Variants in ARL13B observed in about 807,000 individuals in gnomAD.
ARL13B encodes the protein ADP-ribosylation factor-like protein 13B.
ARL13B carries 36 observed loss-of-function variants against 56.1 expected under a neutral mutation model. The ratio of observed to expected loss-of-function variants is 0.64; its 90% CI spans 0.49 to 0.85. The LOEUF is 0.85. ARL13B is among the 40% of genes least tolerant of loss of function. The probability of loss-of-function intolerance (pLI) is 0.00; values close to 1 mark genes in which losing one functional copy is unlikely to be tolerated. For synonymous variants in ARL13B, 178 were observed against 171.1 expected (o/e 1.04, Z -0.32); for missense variants, 519 against 507.1 (o/e 1.02, Z -0.23).
At chr3:94,044,693 C>T (rs1183293607) in intron 7 of ARL13B, among the ~76,000 whole-genome samples, 1 of 140,486 alleles carries the variant, frequency 7.1e-6, no homozygotes, top group Admixed American at 7.1e-5. Context: ...GGCTGCCCAT[C>T]GTCTGGGAAG....
Position 94,049,041 on chromosome 3 carries a change from C to T in ARL13B, c.1025-365C>T, listed in dbSNP as rs529492795. On this transcript the variant is annotated intron_variant, in intron 7 of 9. Coordinates refer to ENST00000394222, the MANE Select transcript of ARL13B (RefSeq NM_001174150.2). Reference sequence around the variant, plus strand: ...GAAAAATCAAATATACTGAGTGACACAATAATGAATAGCTTCTTTTCCCAG... The same window carrying T: ...GAAAAATCAAATATACTGAGTGACATAATAATGAATAGCTTCTTTTCCCAG... 2.6e-5 allele frequency among the ~76,000 whole-genome samples: 4 copies of T among 152,138 alleles called. No individual in the cohort carries two copies. In the East Asian group the frequency reaches 7.7e-4, roughly 29 times the overall value.
chr3:93,995,895 G>A lies in ARL13B; in HGVS notation c.81G>A (p.Val27=), dbSNP rs1427053343. ...EPVRKVTLLM[V]GLDNAGKTAT... Reference sequence around the variant, plus strand: ...TAAGAAAGGTGACTCTTTTGATGGTGGGACTTGATAATGCTGGTAAAACCG... The same window carrying A: ...TAAGAAAGGTGACTCTTTTGATGGTAGGACTTGATAATGCTGGTAAAACCG... Residue 27 remains valine, a synonymous_variant, in exon 2 of 10, where the codon GTG becomes GTA. Transcript: ENST00000394222. 1.2e-6 allele frequency: 2 copies of A among 1,612,574 alleles called. No homozygotes were observed. The highest frequency in any genetic ancestry group is 3.3e-5 in the Admixed American group (2 of 59,972).
intron 9 of ARL13B, among the ~76,000 whole-genome samples, chr3:94,052,030 G>T (rs536279069): frequency 3.3e-5 from 5 of 151,694 alleles, no homozygotes; most frequent in Admixed American, 3.3e-4. Context: ...ACTTGACATC[G>T]TGATGTTTAT....
intron 3 of ARL13B, among the ~76,000 whole-genome samples, chr3:94,019,312 T>G (rs1176886132): frequency 6.6e-6 from 1 of 152,094 alleles, no homozygotes; most frequent in Non-Finnish European, 1.5e-5. Context: ...TTCTTCTGCC[T>G]CAGCCTCCCG....
intron 3 of ARL13B, among the ~76,000 whole-genome samples, chr3:94,032,426 G>T (rs962313355): frequency 6.6e-6 from 1 of 152,008 alleles, no homozygotes; most frequent in Non-Finnish European, 1.5e-5. Context: ...AGATTGTGTA[G>T]CAAAAGGAAT....
rs1210503023 is a variant in ARL13B at position 94,054,495 on chromosome 3, T to G, written c.*1232T>G. 2.7e-6 allele frequency: 1 copy of G among 368,116 alleles called. No individual in the cohort carries two copies. The highest frequency in any genetic ancestry group is 5.2e-6 in the Non-Finnish European group (1 of 191,676). The allele number at this position is 368,116 out of a possible 1,614,324, so 22.8% of individuals were successfully genotyped here. On this transcript the variant is annotated 3_prime_UTR_variant, in exon 10 of 10. Coordinates refer to ENST00000394222, the MANE Select transcript of ARL13B (RefSeq NM_001174150.2). The stretch of plus-strand genomic sequence containing the variant: ...ATTTAATTGAAAACAAACCTTTATA[T>G]CCAATGAAAATAGTATAAACAGAAT...
Position 94,043,115 on chromosome 3 carries a change from C to T in ARL13B, c.899C>T (p.Thr300Ile), listed in dbSNP as rs371417891. The change falls in exon 7 of 10, where the codon ACA (threonine) becomes ATA (isoleucine). Residue 300 changes from threonine (T) to isoleucine (I), a missense_variant. Transcript: ENST00000394222. ...KHKMEHEQIE[T>I]QGQVNHNGQK... ...AAAATGGAGCATGAGCAAATAGAGACACAAGGCCAGGTTAATCACAATGGC... is the reference window on the plus strand; with the variant it reads ...AAAATGGAGCATGAGCAAATAGAGATACAAGGCCAGGTTAATCACAATGGC... The T allele has an allele frequency of 6.2e-7, 1 of 1,613,532 alleles. No homozygotes were observed. The highest frequency in any genetic ancestry group is 1.3e-5 in the African/African-American group (1 of 74,872).
At chr3:94,043,545 CCT>C (rs2076904408) in intron 7 of ARL13B, among the ~76,000 whole-genome samples, 2 of 138 alleles carry the variant, frequency 0.014, no homozygotes, top group Non-Finnish European at 0.024. Context: ...CCCTCCCCCT[CCT>C]CCCCCTCCCC....
intron 3 of ARL13B, among the ~76,000 whole-genome samples, chr3:94,024,323 AAG>A (rs2076511143): frequency 2.0e-5 from 3 of 152,240 alleles, no homozygotes; most frequent in South Asian, 4.1e-4. Context: ...GGGAAAAAGA[AAG>A]AGTAACAATG....
At chr3:94,044,345 ACC>A (rs2076935496) in intron 7 of ARL13B, among the ~76,000 whole-genome samples, 1 of 75,848 alleles carries the variant, frequency 1.3e-5, no homozygotes, top group African/African-American at 5.4e-5. Flanking sequence ...CCCGGCCGCC[ACC>A]CCGTCTGGGA....
At position 94,049,500 on chromosome 3, in the gene ARL13B, GCCACCC is replaced by G; in HGVS notation, c.1128_1133del (p.Pro379_Pro380del). 6.2e-7 allele frequency: 1 copy of G among 1,604,432 alleles called. No homozygotes were observed. The highest frequency in any genetic ancestry group is 1.1e-5 in the South Asian group (1 of 89,958). ...ATGACTGTGCTCCTGAGAGTCCAAC[GCCACCC>G]CCACCCCCTCCTCCTGGTGAGTAAA... On this transcript the variant is annotated inframe_deletion, in exon 8 of 10. Coordinates refer to ENST00000394222, the MANE Select transcript of ARL13B (RefSeq NM_001174150.2).
At chr3:94,028,415 C>A (rs973254385) in intron 3 of ARL13B, 9 of 152,208 alleles carry the variant, frequency 5.9e-5, no homozygotes, top group African/African-American at 2.2e-4. Flanking sequence ...GTGTTGGAGT[C>A]CTGCCTTTGA....
intron 3 of ARL13B, among the ~76,000 whole-genome samples, chr3:94,004,242 T>C (rs578225454): frequency 2.6e-5 from 4 of 152,334 alleles, no homozygotes; most frequent in East Asian, 1.9e-4. Flanking sequence ...TTTTCTCTTT[T>C]AGTAACTTGT....
At chr3:94,043,354 C>T (rs1215146623) in intron 7 of ARL13B, 114 bp downstream of exon 7, 2 of 929,894 alleles carry the variant, frequency 2.2e-6, no homozygotes, top group Non-Finnish European at 3.2e-6. Flanking sequence ...ATTTTTCTGT[C>T]TTCAAATGCC....
chr3:94,055,295 T>A lies in ARL13B; in HGVS notation c.*2032T>A. 1 of 416,574 alleles carries A rather than the reference T, an allele frequency of 2.4e-6. No individual in the cohort carries two copies. Among genetic ancestry groups the A allele is most frequent in the Non-Finnish European group, 4.7e-6 (1 of 214,052 alleles). The allele number at this position is 416,574 out of a possible 1,614,324, so 25.8% of individuals were successfully genotyped here. On this transcript the variant is annotated 3_prime_UTR_variant, in exon 10 of 10. Coordinates refer to ENST00000394222, the MANE Select transcript of ARL13B (RefSeq NM_001174150.2). ...TTTATATCAATATTCTGTTTCTCTT[T>A]TCAATTGGTAGATTTAAATGATTTC... is the stretch of plus-strand genomic sequence containing the variant.
At chr3:93,995,052 G>A (rs942333193) in intron 1 of ARL13B, among the ~76,000 whole-genome samples, 2 of 152,102 alleles carry the variant, frequency 1.3e-5, no homozygotes, top group African/African-American at 2.4e-5. Flanking sequence ...CAAATCCATG[G>A]TGGTAATGGA....
At chr3:94,014,927 C>T in intron 3 of ARL13B, 2 of 1,613,546 alleles carry the variant, frequency 1.2e-6, no homozygotes, top group South Asian at 2.2e-5. Flanking sequence ...TTTTTAACTT[C>T]TTTAACTAAA....
At chr3:94,011,969 CTAT>C (rs2076231549) in intron 3 of ARL13B, among the ~76,000 whole-genome samples, 1 of 152,104 alleles carries the variant, frequency 6.6e-6, no homozygotes, top group South Asian at 2.1e-4. Context: ...GCTGCCAAAT[CTAT>C]TGTTATTTTA....
At chr3:94,011,258 GTCATCTACACATTC>G (rs1163338499) in intron 3 of ARL13B, among the ~76,000 whole-genome samples, 4 of 152,062 alleles carry the variant, frequency 2.6e-5, no homozygotes, top group Non-Finnish European at 5.9e-5. Context: ...CTTAGACCCA[GTCATCTACACATTC>G]TGTGCTAGCA....
Sources: gnomAD v4.1 joint callset for allele counts (sites outside exome capture counted in the v4.1 genomes callset) on GRCh38, gnomAD v4.1.1 for gene constraint, MANE v1.5 for transcripts, NCBI Gene and HGNC (gene_info 2026-07-23, HGNC 2026-07-21) for gene names.